The following OOSP4A variants were observed in gnomAD, a reference collection of about 807,000 sequenced individuals.
OOSP4A encodes oocyte-secreted protein 4A.
At chr11:59,965,403 T>C (rs1854088889) in intron 1 of OOSP4A, 132 bp from the exon 2 acceptor site, 3 of 395,938 alleles carry the variant, frequency 7.6e-6, no homozygotes, top group East Asian at 3.6e-5. Context: ...TGGAAAAATA[T>C]ACAAATAGGA....
intron 3 of OOSP4A, 122 bp from the exon 4 acceptor site, chr11:59,969,028 G>A: frequency 2.5e-6 from 1 of 394,170 alleles, no homozygotes; most frequent in Non-Finnish European, 4.5e-6. Flanking sequence ...TAGCTGATTT[G>A]GCATTCTCTC....
At chr11:59,967,278 C>A (rs2134585703) in intron 3 of OOSP4A, 114 bp downstream of exon 3, 1 of 392,754 alleles carries the variant, frequency 2.5e-6, no homozygotes, top group African/African-American at 2.1e-5. Flanking sequence ...TGGATCAAAT[C>A]TGATCTATGG....
rs559820342 is a variant in OOSP4A at position 59,968,142 on chromosome 11, T to G, written c.344+978T>G. On this transcript the variant is annotated intron_variant, in intron 3 of 4. Coordinates refer to ENST00000645590, the Ensembl canonical transcript of OOSP4A. ...GTTTAGTATAATCTGAGTAGTACATTTCCCTCTGCTGCTTTTATCTTCATG... is the reference window on the plus strand; with the variant it reads ...GTTTAGTATAATCTGAGTAGTACATGTCCCTCTGCTGCTTTTATCTTCATG... Among the ~76,000 whole-genome samples the G allele has an allele frequency of 7.2e-5, 11 of 152,314 alleles. No homozygotes were observed. The East Asian group carries it at 2.1e-3, about 29-fold the overall frequency.
At position 59,965,522 on chromosome 11, in the gene OOSP4A, T is replaced by G. The variant is rs903336945; in HGVS notation, c.68-13T>G. The G allele has an allele frequency of 1.3e-5, 5 of 398,326 alleles. No homozygotes were observed. Among genetic ancestry groups the G allele is most frequent in the African/African-American group, 2.1e-5 (1 of 48,624 alleles). The allele number at this position is 398,326 out of a possible 1,614,324, so 24.7% of individuals were successfully genotyped here. A position where few individuals can be genotyped will look rare whatever the true frequency, so the allele number is the denominator to read the frequency against. On this transcript the variant is annotated splice_polypyrimidine_tract_variant and intron_variant, in intron 1 of 4. Transcript: ENST00000645590. Reference sequence around the variant, plus strand: ...TATTTGATGTTTTCCCTTTTTAAATTTTCTTTCAACAGTGTCTATAACCTG... The same window carrying G: ...TATTTGATGTTTTCCCTTTTTAAATGTTCTTTCAACAGTGTCTATAACCTG...
At chr11:59,964,099 T>A in exon 1 of OOSP4A, 1 of 397,852 alleles carries the variant, frequency 2.5e-6, no homozygotes, top group Non-Finnish European at 4.4e-6. Context: ...TCTCCAAGAT[T>A]GTAAGAAAAA....
intron 1 of OOSP4A, among the ~76,000 whole-genome samples, chr11:59,965,092 G>C (rs1050910135): frequency 1.5e-5 from 2 of 136,790 alleles, no homozygotes; most frequent in Non-Finnish European, 3.1e-5. Context: ...ATTGAACAAT[G>C]AGAACACATG....
chr11:59,970,200 G>T, downstream of OOSP4A: 2 of 396,700 alleles, frequency 5.0e-6, no homozygotes, highest in South Asian at 2.6e-4. Flanking sequence ...ACTAGTCACT[G>T]GATATTGTCT....
chr11:59,966,446 T>A (rs1035148298), intron 2 of OOSP4A, among the ~76,000 whole-genome samples: 3 of 152,072 alleles, frequency 2.0e-5, no homozygotes, highest in African/African-American at 7.2e-5. Flanking sequence ...ACTGAATAAT[T>A]TAGGTCTGCC....
intron 1 of OOSP4A, among the ~76,000 whole-genome samples, chr11:59,965,129 C>T (rs1385940364): frequency 5.0e-5 from 5 of 100,080 alleles, no homozygotes; most frequent in East Asian, 3.1e-4. Flanking sequence ...CATCACACAC[C>T]GGGGCCTGTT....
chr11:59,965,708 GT>G lies in OOSP4A; in HGVS notation c.242del (p.Val81GlyfsTer6). The G allele has an allele frequency of 2.5e-6, 1 of 398,442 alleles. No homozygotes were observed. Among genetic ancestry groups the G allele is most frequent in the Non-Finnish European group, 4.4e-6 (1 of 225,960 alleles). The allele number at this position is 398,442 out of a possible 1,614,324, so 24.7% of individuals were successfully genotyped here. ...TCTTCTAACTTTTTGTGGCATCAGA[GT>G]GAGCGTAAGAGCAGTTATTATTTCA... is the stretch of plus-strand genomic sequence containing the variant. On this transcript the variant is annotated frameshift_variant, in exon 2 of 5. Transcript: ENST00000645590. LOFTEE classifies it high-confidence loss of function.
chr11:59,964,850 T>C (rs1346929097), intron 1 of OOSP4A, among the ~76,000 whole-genome samples: 1 of 152,126 alleles, frequency 6.6e-6, no homozygotes, highest in Non-Finnish European at 1.5e-5. Context: ...GATATATTTT[T>C]CTATTGTGTG....
chr11:59,969,426 C>T (rs1854134144), intron 4 of OOSP4A, 142 bp downstream of exon 4: 3 of 395,178 alleles, frequency 7.6e-6, no homozygotes, highest in South Asian at 2.9e-4. Context: ...TGGAATACTG[C>T]ATTTTTTATG....
At chr11:59,967,144 A>G (rs906346153) in exon 3 of OOSP4A, 2 of 398,048 alleles carry the variant, frequency 5.0e-6, no homozygotes, top group African/African-American at 4.1e-5. Context: ...TACACATCCC[A>G]GTATCATGCT....
Position 59,967,047 on chromosome 11 carries a change from T to C in OOSP4A, c.247-20T>C. ...TGAAAGAGATATAATTAAGATAATT[T>C]ATATCCTTTACACCTTTAGGAACAT... On this transcript the variant is annotated intron_variant, in intron 2 of 4. Coordinates refer to ENST00000645590, the Ensembl canonical transcript of OOSP4A. 2 of 397,938 alleles carry C rather than the reference T, an allele frequency of 5.0e-6. No homozygotes were observed. The highest frequency in any genetic ancestry group is 8.9e-6 in the Non-Finnish European group (2 of 225,674). The allele number at this position is 397,938 out of a possible 1,614,324, so 24.7% of individuals were successfully genotyped here.
At chr11:59,968,368 G>A (rs1049951835) in intron 3 of OOSP4A, among the ~76,000 whole-genome samples, 9 of 152,140 alleles carry the variant, frequency 5.9e-5, no homozygotes, top group Non-Finnish European at 1.2e-4. Context: ...CTGATGGACC[G>A]ATCTAAAACA....
Position 59,970,039 on chromosome 11 carries a change from G to T in OOSP4A, c.480-10G>T. 2.5e-6 allele frequency: 1 copy of T among 397,828 alleles called. No homozygotes were observed. Among genetic ancestry groups the T allele is most frequent in the Non-Finnish European group, 4.4e-6 (1 of 225,610 alleles). 24.6% of individuals were successfully genotyped at this position (397,828 alleles called of 1,614,324 possible). A position where few individuals can be genotyped will look rare whatever the true frequency, so the allele number is the denominator to read the frequency against. The stretch of plus-strand genomic sequence containing the variant: ...ACAACAATGTAACTGTTTCTTTTCC[G>T]TCCTTACAGGAACAGTGTTCCCTTG... On this transcript the variant is annotated splice_polypyrimidine_tract_variant and intron_variant, in intron 4 of 4. Transcript: ENST00000645590.
intron 4 of OOSP4A, 109 bp downstream of exon 4, chr11:59,969,393 A>G (rs774595887): frequency 2.5e-6 from 1 of 396,438 alleles, no homozygotes; most frequent in Non-Finnish European, 4.4e-6. Context: ...ACTATTGCCC[A>G]TATGATTTTA....
At chr11:59,964,171 CAT>C in intron 1 of OOSP4A, 72 bp downstream of exon 1, 1 of 242,616 alleles carries the variant, frequency 4.1e-6, no homozygotes, top group Non-Finnish European at 7.2e-6. Context: ...TTTTTTTTAA[CAT>C]ATTGTTGACT....
intron 4 of OOSP4A, among the ~76,000 whole-genome samples, chr11:59,969,697 T>G (rs1854136206): frequency 6.6e-6 from 1 of 152,190 alleles, no homozygotes; most frequent in Non-Finnish European, 1.5e-5. Context: ...ATAAGAATAT[T>G]CAAATAGGCT....
Sources: allele counts gnomAD v4.1 joint callset (sites outside exome capture counted in the v4.1 genomes callset), GRCh38; gene constraint gnomAD v4.1.1; transcripts MANE v1.5; gene names NCBI Gene and HGNC (gene_info 2026-07-23, HGNC 2026-07-21).